SYNE2: variants seen among roughly 807,000 people sequenced by gnomAD.
SYNE2 encodes nesprin-2.
A neutral mutation model predicts 856.3 loss-of-function variants in SYNE2; 431 were observed. The observed-to-expected ratio is 0.50, with a 90% CI of 0.47 to 0.55. SYNE2 has a LOEUF of 0.55. Among genes scored for constraint, SYNE2 ranks in the 20% least tolerant of loss-of-function variants. SYNE2 has a pLI of 0.00. For missense variants in SYNE2, 8,129 were observed against 8,023.2 expected, an observed-to-expected ratio of 1.01 and a Z score of -0.50; for synonymous variants, 2,923 against 2,872.3, an observed-to-expected ratio of 1.02 and a Z score of -0.56.
chr14:64,209,639 C>T, intron 102 of SYNE2, 61 bp downstream of exon 102: 1 of 1,603,412 alleles, frequency 6.2e-7, no homozygotes, highest in Non-Finnish European at 8.5e-7. Flanking sequence ...AGCCTGGGGG[C>T]TGCTGAAATG....
intron 1 of SYNE2, among the ~76,000 whole-genome samples, chr14:63,859,284 A>G (rs1390074680): frequency 2.6e-5 from 4 of 152,168 alleles, no homozygotes; most frequent in Admixed American, 2.6e-4. Context: ...TGTTGGTTTC[A>G]TTGATATTGT....
Position 64,022,872 on chromosome 14 carries a change from T to A in SYNE2, c.5637+9T>A, listed in dbSNP as rs776553794. The A allele has an allele frequency of 1.3e-5, 19 of 1,424,406 alleles. No homozygotes were observed. Among genetic ancestry groups the A allele is most frequent in the Non-Finnish European group, 1.9e-5 (19 of 1,014,782 alleles). 88.2% of individuals were successfully genotyped at this position (1,424,406 alleles called of 1,614,324 possible). On this transcript the variant is annotated intron_variant, in intron 38 of 115. Coordinates refer to ENST00000555002, the MANE Select transcript of SYNE2 (RefSeq NM_182914.3). ...AGCTACAAAAACTTTCTGTAAGAGATATATGTGTATTTTTAATAAAAATTT... is the reference window on the plus strand; with the variant it reads ...AGCTACAAAAACTTTCTGTAAGAGAAATATGTGTATTTTTAATAAAAATTT...
rs572008201 is a variant in SYNE2, at chr14:64,187,619, A to G, written c.17713-931A>G. On this transcript the variant is annotated intron_variant, in intron 97 of 115. Coordinates refer to ENST00000555002, the MANE Select transcript of SYNE2 (RefSeq NM_182914.3). Reference sequence around the variant, plus strand: ...TAACACGTTTGGCTGGCTAGGATATATAAGCATTCAGTATTTTCTCCTCCG... The same window carrying G: ...TAACACGTTTGGCTGGCTAGGATATGTAAGCATTCAGTATTTTCTCCTCCG... Among the ~76,000 whole-genome samples, 5 of 152,334 alleles carry G rather than the reference A, an allele frequency of 3.3e-5. No homozygotes were observed. In the South Asian group the frequency reaches 1.0e-3, roughly 32 times the overall value.
In SYNE2 at chr14:63,822,020, G is replaced by A. The variant is rs530278238; in HGVS notation, c.-304-30481G>A. Among the ~76,000 whole-genome samples the A allele has an allele frequency of 3.3e-4, 50 of 152,042 alleles. No individual in the cohort carries two copies. In the South Asian group the frequency reaches 4.6e-3, roughly 14 times the overall value. ...AGCCTGGCCAACATGGCGAAACCCC[G>A]TCTCTACTAAAAACACAAAAATTAG... is the stretch of plus-strand genomic sequence containing the variant. On this transcript the variant is annotated intron_variant, in intron 1 of 23. Coordinates refer to the SYNE2 transcript ENST00000674003.
Position 64,203,440 on chromosome 14 carries a change from T to C in SYNE2, c.18201+477T>C, listed in dbSNP as rs147745490. On this transcript the variant is annotated intron_variant, in intron 100 of 115. Coordinates refer to ENST00000555002, the MANE Select transcript of SYNE2 (RefSeq NM_182914.3). ...ATAGTTTAGGAAGCCTCTTAAGAGC[T>C]GCAATGCTCTGTGCATTTTTGTTAT... is the stretch of plus-strand genomic sequence containing the variant. 1.2e-3 allele frequency among the ~76,000 whole-genome samples: 179 copies of C among 152,332 alleles called. 1 individual carries two copies. The highest frequency in any genetic ancestry group is 4.0e-3 in the African/African-American group (167 of 41,576).
rs774313718 is a variant in SYNE2 at position 64,052,085 on chromosome 14, A to C, written c.8172A>C (p.Glu2724Asp). The change falls in exon 48 of 116, where the codon GAA becomes GAC. Residue 2724 changes from glutamate to aspartate, a missense_variant. Physicochemically the swap from Glu to Asp is conservative, Grantham distance 45 (BLOSUM62 2). This residue lies in a region of SYNE2 where 5,410 missense variants were observed against 5,284.8 expected (regional missense o/e 1.02). Transcript: ENST00000555002. The part of the protein sequence containing the change: ...ETLEPLHLEA[E>D]NQIKKCDIRN... ...TGGAGCCATTACACTTAGAAGCAGA[A>C]AATCAGATTAAGAAGTGTGACATAA... 6 of 1,614,212 alleles carry C rather than the reference A, an allele frequency of 3.7e-6. No homozygotes were observed. The highest frequency in any genetic ancestry group is 4.2e-6 in the Non-Finnish European group (5 of 1,180,038).
At chr14:64,194,299 C>CTTT (rs549466331) in intron 99 of SYNE2, among the ~76,000 whole-genome samples, 1 of 148,098 alleles carries the variant, frequency 6.8e-6, no homozygotes, top group Non-Finnish European at 1.5e-5. Flanking sequence ...CTCTTTTCTT[C>CTTT]TTTTTTTTTT....
intron 70 of SYNE2, among the ~76,000 whole-genome samples, chr14:64,124,115 A>T (rs2097918636): frequency 6.6e-6 from 1 of 151,830 alleles, no homozygotes; most frequent in African/African-American, 2.4e-5. Context: ...TGAGGCAGGA[A>T]AATTGCTGGA....
chr14:64,224,940 T>A (rs532904362), intron 114 of SYNE2, 59 bp from the exon 115 acceptor site: 114 of 1,425,068 alleles, frequency 8.0e-5, no homozygotes, highest in East Asian at 5.1e-4. Context: ...TTTTTTTTTT[T>A]ATCATTGATA....
intron 45 of SYNE2, chr14:64,034,659 AG>A (rs2097071728): frequency 4.4e-6 from 2 of 450,564 alleles, no homozygotes; most frequent in Admixed American, 7.6e-5. Context: ...AGGCAGACCT[AG>A]AAACAAAAGA....
intron 10 of SYNE2, among the ~76,000 whole-genome samples, chr14:63,966,052 A>G (rs1222282769): frequency 1.3e-5 from 2 of 152,234 alleles, no homozygotes; most frequent in Admixed American, 6.5e-5. Context: ...AATGCTGTCA[A>G]TAATTCTGGA....
At chr14:63,967,447 C>G (rs866583732) in intron 10 of SYNE2, among the ~76,000 whole-genome samples, 7 of 152,124 alleles carry the variant, frequency 4.6e-5, no homozygotes, top group Non-Finnish European at 8.8e-5. Context: ...TCCTGTAGCC[C>G]AGTGACCTTG....
At chr14:63,986,646 C>G (rs1369866197) in intron 19 of SYNE2, 29 bp downstream of exon 19, 1 of 1,608,714 alleles carries the variant, frequency 6.2e-7, no homozygotes, top group Non-Finnish European at 8.5e-7. Flanking sequence ...TAAGAGGGTA[C>G]TTTCATGGTT....
intron 60 of SYNE2, among the ~76,000 whole-genome samples, chr14:64,091,435 A>T (rs1469467039): frequency 3.9e-5 from 6 of 152,164 alleles, no homozygotes; most frequent in Non-Finnish European, 7.4e-5. Flanking sequence ...ACCAAACGTG[A>T]TGTAGGTAGA....
At chr14:63,971,233 T>G (rs1356028382) in intron 11 of SYNE2, among the ~76,000 whole-genome samples, 2 of 151,982 alleles carry the variant, frequency 1.3e-5, no homozygotes, top group Non-Finnish European at 2.9e-5. Flanking sequence ...CACCTCAGCT[T>G]TCTGAGTAGC....
chr14:64,225,209 T>TTTAAATCTCAGGTCTTGGATTTCTTA, intron 115 of SYNE2, 110 bp from the exon 116 acceptor site: 2 of 1,585,064 alleles, frequency 1.3e-6, no homozygotes, highest in Non-Finnish European at 1.7e-6. Context: ...GTTGGCCCTA[T>TTTAAATCTCAGGTCTTGGATTTCTTA]TTAAATCTCA....
intron 2 of SYNE2, among the ~76,000 whole-genome samples, chr14:63,923,932 G>A (rs146409135): frequency 0.017 from 2,543 of 151,834 alleles, 64 homozygotes; most frequent in African/African-American, 0.058. Context: ...CTGAGTAGCC[G>A]GGACTACAGG....
intron 65 of SYNE2, among the ~76,000 whole-genome samples, chr14:64,110,859 G>T (rs1453479340): frequency 6.6e-6 from 1 of 152,006 alleles, no homozygotes; most frequent in Non-Finnish European, 1.5e-5. Flanking sequence ...AAAGAGGTGG[G>T]TGAACTGATC....
At chr14:63,911,338 C>T (rs2095471087) in intron 2 of SYNE2, among the ~76,000 whole-genome samples, 1 of 152,142 alleles carries the variant, frequency 6.6e-6, no homozygotes, top group African/African-American at 2.4e-5. Flanking sequence ...ATAACGTGCT[C>T]CCTCCTCTGT....
Sources: allele counts gnomAD v4.1 joint callset (sites outside exome capture counted in the v4.1 genomes callset), GRCh38; gene constraint gnomAD v4.1.1; regional missense constraint gnomAD v4.1.1; transcripts MANE v1.5; gene names NCBI Gene and HGNC (gene_info 2026-07-23, HGNC 2026-07-21).